The following RCC1L variants were observed in gnomAD, a reference collection of about 807,000 sequenced individuals.
RCC1L encodes RCC1 like, also known as RCC1-like G exchanging factor-like protein.
In RCC1L, 46 loss-of-function variants were observed where a neutral mutation model predicts 58.6. The ratio of observed to expected loss-of-function variants is 0.79; its 90% CI spans 0.62 to 1.00. RCC1L has a LOEUF of 1.00. Ranked by LOEUF, RCC1L falls within the 50% of genes least tolerant of loss-of-function variation. The pLI is 0.00. For missense variants in RCC1L, 636 were observed against 623.6 expected (o/e 1.02, Z -0.21); for synonymous variants, 281 against 262.9 (o/e 1.07, Z -0.67).
chr7:75,052,513 C>A (rs1805943136), intron 10 of RCC1L, among the ~76,000 whole-genome samples, 198 bp downstream of exon 10: 1 of 152,238 alleles, frequency 6.6e-6, no homozygotes, highest in Non-Finnish European at 1.5e-5. Flanking sequence ...TGCAGATGCA[C>A]CACGGGTATC....
intron 10 of RCC1L, among the ~76,000 whole-genome samples, chr7:75,043,892 C>T (rs1805637966): frequency 6.6e-6 from 1 of 152,180 alleles, no homozygotes; most frequent in Admixed American, 6.5e-5. Flanking sequence ...CCAACATCTC[C>T]ACTCATCTTA....
chr7:75,054,638 C>T (rs974921569), intron 9 of RCC1L, among the ~76,000 whole-genome samples: 3 of 152,238 alleles, frequency 2.0e-5, no homozygotes, highest in African/African-American at 4.8e-5. Flanking sequence ...CTGAATTAGC[C>T]GGGCGTGGTG....
In RCC1L at chr7:75,064,687, T is replaced by A. The variant is rs587705482; in HGVS notation, c.584-39A>T. On this transcript the variant is annotated intron_variant, in intron 3 of 10. Coordinates refer to ENST00000610322, the MANE Select transcript of RCC1L (RefSeq NM_030798.5). ...CACCAATCAAATCAGTTCTGCAGGT[T>A]TGTGGGATCCTAGAATGTGAGGACT... 1.2e-5 allele frequency: 20 copies of A among 1,609,900 alleles called. No individual in the cohort carries two copies. In the African/African-American group the frequency reaches 2.4e-4, roughly 19 times the overall value.
chr7:75,054,726 G>A (rs1806022372), intron 9 of RCC1L, among the ~76,000 whole-genome samples: 1 of 152,154 alleles, frequency 6.6e-6, no homozygotes, highest in South Asian at 2.1e-4. Context: ...AGGTTGCAGT[G>A]AGCCAAGATC....
chr7:75,057,970 C>T (rs1007113924), intron 7 of RCC1L: 16 of 340,986 alleles, frequency 4.7e-5, no homozygotes, highest in African/African-American at 2.9e-4. Context: ...CCAGCCTGGC[C>T]AACATGGTGA....
chr7:75,034,841 T>C (rs1055679579), intron 10 of RCC1L, among the ~76,000 whole-genome samples: 2 of 151,942 alleles, frequency 1.3e-5, no homozygotes, highest in African/African-American at 2.4e-5. Context: ...TTTGTAGAGA[T>C]AGGGGTCTTG....
chr7:75,064,636 CCCATGCTGAAGACTAAAAATAACA>C lies in RCC1L; in HGVS notation c.584-12_595del. The C allele has an allele frequency of 6.2e-7, 1 of 1,613,790 alleles. No individual in the cohort carries two copies. Among genetic ancestry groups the C allele is most frequent in the Non-Finnish European group, 8.5e-7 (1 of 1,179,820 alleles). ...TCCACATTGCCCATAAGAATTGTTT[CCCATGCTGAAGACTAAAAATAACA>C]CCACCAATCAAATCAGTTCTGCAGG... is the stretch of plus-strand genomic sequence containing the variant. On this transcript the variant is annotated splice_acceptor_variant and splice_polypyrimidine_tract_variant and coding_sequence_variant and intron_variant, in exon 4 of 11. Transcript: ENST00000610322. LOFTEE classifies it high-confidence loss of function.
chr7:75,050,580 C>T (rs1298718181), intron 10 of RCC1L, among the ~76,000 whole-genome samples: 1 of 152,202 alleles, frequency 6.6e-6, no homozygotes, highest in Non-Finnish European at 1.5e-5. Flanking sequence ...AAGTTCCCCC[C>T]TCAGAAGGAA....
In RCC1L at chr7:75,057,515, AAAG is replaced by A. The variant is rs1806118734; in HGVS notation, c.1057+11_1057+13del. On this transcript the variant is annotated intron_variant, in intron 8 of 10. Transcript: ENST00000610322. ...CTACAGCTTCCCAATGAGCCACCGG[AAAG>A]AAGGTCTCACCGTTTAACACTGCAC... The A allele has an allele frequency of 6.2e-7, 1 of 1,613,598 alleles. No individual in the cohort carries two copies. Among genetic ancestry groups the A allele is most frequent in the Admixed American group, 1.7e-5 (1 of 59,992 alleles).
rs1554444216 is a variant in RCC1L at position 75,058,631 on chromosome 7, T to G, written c.926A>C (p.Asn309Thr). Residue 309 changes from asparagine (N) to threonine (T), a missense_variant, in exon 7 of 11, where the codon AAC becomes ACC. Transcript: ENST00000610322. ...SADGGLFGWG[N>T]SEYLQLASVT... ...AGAGGCCAGCTGCAGGTACTCCGAG[T>G]TTCCCCAACCAAAAAGTCCTCCGTC... 2 of 1,612,424 alleles carry G rather than the reference T, an allele frequency of 1.2e-6. No homozygotes were observed. Among genetic ancestry groups the G allele is most frequent in the Non-Finnish European group, 1.7e-6 (2 of 1,179,290 alleles).
intron 5 of RCC1L, 43 bp downstream of exon 5, chr7:75,063,249 A>G: frequency 1.2e-6 from 2 of 1,612,724 alleles, no homozygotes; most frequent in Non-Finnish European, 1.7e-6. Context: ...TTTCAAAAGC[A>G]CCCCAGGAAC....
chr7:75,052,692 C>T lies in RCC1L; in HGVS notation c.1317+19G>A. On this transcript the variant is annotated intron_variant, in intron 10 of 10. Transcript: ENST00000610322. ...CTACTCTTAGCATCCATTCTCAAGA[C>T]CTCCCCGGCCAGCCTTACCCTCCAT... The T allele has an allele frequency of 6.2e-7, 1 of 1,601,318 alleles. No individual in the cohort carries two copies. Among genetic ancestry groups the T allele is most frequent in the South Asian group, 1.1e-5 (1 of 88,316 alleles).
chr7:75,040,365 C>A (rs1156621408), downstream of RCC1L, among the ~76,000 whole-genome samples: 6 of 152,128 alleles, frequency 3.9e-5, no homozygotes, highest in African/African-American at 1.4e-4. Flanking sequence ...GAGGCTAAGG[C>A]AAGAGAATTG....
intron 2 of RCC1L, among the ~76,000 whole-genome samples, chr7:75,068,511 C>A (rs1020628255): frequency 7.2e-5 from 11 of 152,038 alleles, no homozygotes; most frequent in African/African-American, 2.7e-4. Flanking sequence ...CGTGGTGAAA[C>A]CCCCGTCTCT....
Position 75,042,579 on chromosome 7 carries a change from G to A in RCC1L, c.*453C>T. 1 of 1,003,524 alleles carries A rather than the reference G, an allele frequency of 1.0e-6. No homozygotes were observed. Among genetic ancestry groups the A allele is most frequent in the Non-Finnish European group, 1.2e-6 (1 of 840,104 alleles). The allele number at this position is 1,003,524 out of a possible 1,614,324, so 62.2% of individuals were successfully genotyped here. On this transcript the variant is annotated 3_prime_UTR_variant, in exon 11 of 11. Coordinates refer to ENST00000610322, the MANE Select transcript of RCC1L (RefSeq NM_030798.5). The stretch of plus-strand genomic sequence containing the variant: ...GAATGAAAACCGAGGGCCGAAGCCA[G>A]CCTGACTCCCTCGCCTAAGCTGGGG...
rs1297029855 is a variant in RCC1L at position 75,063,352 on chromosome 7, A to G, written c.651-9T>C. ...GGACTCTGTGACTTTCACTACAGCC[A>G]GGAACAAATTGGGAAGAAGCAAGGG... On this transcript the variant is annotated splice_polypyrimidine_tract_variant and intron_variant, in intron 4 of 10. Transcript: ENST00000610322. 6.2e-7 allele frequency: 1 copy of G among 1,613,836 alleles called. No individual in the cohort carries two copies. Among genetic ancestry groups the G allele is most frequent in the East Asian group, 2.2e-5 (1 of 44,868 alleles).
chr7:75,060,717 C>A (rs1238387659), intron 6 of RCC1L, among the ~76,000 whole-genome samples: 1 of 152,140 alleles, frequency 6.6e-6, no homozygotes, highest in Non-Finnish European at 1.5e-5. Context: ...AGGTGTGAGC[C>A]ACTGCACCCA....
intron 7 of RCC1L, chr7:75,057,975 T>A (rs1806133649): frequency 2.9e-6 from 1 of 339,734 alleles, no homozygotes; most frequent in Non-Finnish European, 5.8e-6. Flanking sequence ...CTGGCCAACA[T>A]GGTGAAACCC....
chr7:75,060,160 G>C (rs915386918), intron 6 of RCC1L, among the ~76,000 whole-genome samples: 58 of 152,302 alleles, frequency 3.8e-4, no homozygotes, highest in African/African-American at 1.4e-3. Flanking sequence ...CTTTTAATCA[G>C]TATCATGCAT....
Sources: gnomAD v4.1 joint callset for allele counts (sites outside exome capture counted in the v4.1 genomes callset) on GRCh38, gnomAD v4.1.1 for gene constraint, MANE v1.5 for transcripts, NCBI Gene and HGNC (gene_info 2026-07-23, HGNC 2026-07-21) for gene names.